Variants in RNF157 observed in about 807,000 individuals in gnomAD.
RNF157 encodes E3 ubiquitin ligase RNF157.
In RNF157, 55 loss-of-function variants were observed where a neutral mutation model predicts 88.3. The observed-to-expected ratio is 0.62, with a 90% CI of 0.50 to 0.78. The LOEUF (loss-of-function observed/expected upper bound fraction) is 0.78. Ranked by LOEUF, RNF157 falls within the 30% of genes least tolerant of loss-of-function variation. The pLI is 0.00. For missense variants in RNF157, 788 were observed against 860.8 expected, an observed-to-expected ratio of 0.92 and a Z score of 1.06; for synonymous variants, 334 against 341.2, an observed-to-expected ratio of 0.98 and a Z score of 0.23.
chr17:76,155,711 GGGC>G lies in RNF157; in HGVS notation c.1546_1548del (p.Ala516del), dbSNP rs1489905892. On this transcript the variant is annotated inframe_deletion, in exon 15 of 19. Coordinates refer to ENST00000269391, the MANE Select transcript of RNF157 (RefSeq NM_052916.3). ...GAGGATGCCATGGACATGACAGACT[GGGC>G]CAAGCTGCTGCTGGCAGGGCCTTTG... The G allele has an allele frequency of 1.3e-6, 2 of 1,590,286 alleles. No individual in the cohort carries two copies. The highest frequency in any genetic ancestry group is 3.7e-5 in the Admixed American group (2 of 54,674).
chr17:76,177,331 G>C (rs1044165790), intron 2 of RNF157, among the ~76,000 whole-genome samples: 1 of 146,568 alleles, frequency 6.8e-6, no homozygotes, highest in Admixed American at 6.7e-5. Flanking sequence ...AGCAGGCTCG[G>C]AAGTGCCTGC....
intron 1 of RNF157, chr17:76,226,736 C>T: frequency 6.2e-7 from 1 of 1,608,062 alleles, no homozygotes; most frequent in Middle Eastern, 2.3e-4. Flanking sequence ...AGCCCCCAAA[C>T]CCGACTGGTC....
At chr17:76,177,990 C>T (rs1356069224) in intron 2 of RNF157, among the ~76,000 whole-genome samples, 2 of 152,234 alleles carry the variant, frequency 1.3e-5, no homozygotes, top group East Asian at 1.9e-4. Context: ...CGGGTATCCT[C>T]TGAGCTGTTC....
intron 1 of RNF157, among the ~76,000 whole-genome samples, chr17:76,237,064 CTA>C (rs1262774351): frequency 1.3e-5 from 2 of 152,160 alleles, no homozygotes; most frequent in African/African-American, 4.8e-5. Context: ...AACCGTGTGA[CTA>C]TATTACCTAT....
intron 1 of RNF157, among the ~76,000 whole-genome samples, chr17:76,218,864 G>C (rs1316289981): frequency 6.6e-6 from 1 of 152,084 alleles, no homozygotes; most frequent in African/African-American, 2.4e-5. Flanking sequence ...AACCCGGGAA[G>C]TGGAGGTTGC....
rs143873675 is a variant in RNF157, at chr17:76,171,968, G to A, written c.296+1734C>T. Among the ~76,000 whole-genome samples the A allele has an allele frequency of 6.0e-4, 92 of 152,358 alleles. No homozygotes were observed. In the East Asian group the frequency reaches 0.014, roughly 23 times the overall value. Reference sequence around the variant, plus strand: ...TGCCATATGTGATGAGAGAAACCAAGTGGACAGAGTAGCTGGCAATGGCAG... The same window carrying A: ...TGCCATATGTGATGAGAGAAACCAAATGGACAGAGTAGCTGGCAATGGCAG... On this transcript the variant is annotated intron_variant, in intron 3 of 18. Transcript: ENST00000269391.
Position 76,204,919 on chromosome 17 carries a change from G to A in RNF157, c.207+7445C>T, listed in dbSNP as rs1002883963. Among the ~76,000 whole-genome samples the A allele has an allele frequency of 2.6e-5, 4 of 151,464 alleles. No individual in the cohort carries two copies. The South Asian group carries it at 6.2e-4, about 24-fold the overall frequency. ...CCTGCCTCAGCCTCCTGAGTAGCTGGGATTACAAGCACCTGCCACCACGCC... is the reference window on the plus strand; with the variant it reads ...CCTGCCTCAGCCTCCTGAGTAGCTGAGATTACAAGCACCTGCCACCACGCC... On this transcript the variant is annotated intron_variant, in intron 2 of 18. Coordinates refer to ENST00000269391, the MANE Select transcript of RNF157 (RefSeq NM_052916.3).
At chr17:76,178,898 T>C (rs2069146722) in intron 2 of RNF157, among the ~76,000 whole-genome samples, 1 of 152,180 alleles carries the variant, frequency 6.6e-6, no homozygotes, top group African/African-American at 2.4e-5. Flanking sequence ...ACCTTTATCT[T>C]TCCCCAAGAC....
chr17:76,230,913 T>C (rs2070180646), intron 1 of RNF157, among the ~76,000 whole-genome samples: 1 of 148,616 alleles, frequency 6.7e-6, no homozygotes, highest in Admixed American at 6.8e-5. Flanking sequence ...AGAGAGACTT[T>C]TCTTAGATTA....
chr17:76,240,291 CG>C lies in RNF157; in HGVS notation c.-52del. On this transcript the variant is annotated 5_prime_UTR_variant, in exon 1 of 19. Transcript: ENST00000269391. This position sits in a 1 kb window ranked among gnomAD's most constrained non-coding sequence, Gnocchi z 4.4. ...CGGCCCCGGTGCCCGCGCCGCCCTCCGCGCTTCACCGCGGCCGCCCGCCCCG... is the reference window on the plus strand; with the variant it reads ...CGGCCCCGGTGCCCGCGCCGCCCTCCCGCTTCACCGCGGCCGCCCGCCCCG... 1 of 913,938 alleles carries C rather than the reference CG, an allele frequency of 1.1e-6. No individual in the cohort carries two copies. The highest frequency in any genetic ancestry group is 4.9e-5 in the South Asian group (1 of 20,396). The allele number at this position is 913,938 out of a possible 1,614,324, so 56.6% of individuals were successfully genotyped here.
chr17:76,188,572 T>C (rs1190544190), intron 2 of RNF157, among the ~76,000 whole-genome samples: 2 of 152,196 alleles, frequency 1.3e-5, no homozygotes, highest in African/African-American at 2.4e-5. Flanking sequence ...CAAGCAAAGA[T>C]GGTGCAATAG....
chr17:76,165,028 ATTATTC>A (rs2068900954), intron 7 of RNF157, among the ~76,000 whole-genome samples: 1 of 152,196 alleles, frequency 6.6e-6, no homozygotes, highest in Non-Finnish European at 1.5e-5. Context: ...TTAGTTTACT[ATTATTC>A]TTAGTCTCTT....
chr17:76,182,760 C>CATGTATATATATATATATAT (rs2069211199), intron 2 of RNF157, among the ~76,000 whole-genome samples: 1 of 93,358 alleles, frequency 1.1e-5, no homozygotes, highest in African/African-American at 5.8e-5. Context: ...GGCCTCGTCT[C>CATGTATATATATATATATAT]ATATATATAT....
Position 76,143,135 on chromosome 17 carries a change from T to C in RNF157, c.*2100A>G, listed in dbSNP as rs2068538623. On this transcript the variant is annotated 3_prime_UTR_variant, in exon 19 of 19. Transcript: ENST00000269391. ...CAGGGGGAGGGAGGAAGAGGAGAAA[T>C]AGTAACTGAGAAACAAGTAAAGGAC... 6.6e-6 allele frequency: 1 copy of C among 152,036 alleles called. No individual in the cohort carries two copies. The highest frequency in any genetic ancestry group is 2.4e-5 in the African/African-American group (1 of 41,320). 9.4% of individuals were successfully genotyped at this position (152,036 alleles called of 1,614,324 possible).
chr17:76,164,675 G>T, intron 8 of RNF157, 73 bp downstream of exon 8: 1 of 843,282 alleles, frequency 1.2e-6, no homozygotes. Flanking sequence ...AAGAGGGAGA[G>T]AGAAGAAGAA....
intron 9 of RNF157, among the ~76,000 whole-genome samples, chr17:76,162,321 T>C (rs889407692): frequency 1.3e-5 from 2 of 152,098 alleles, no homozygotes; most frequent in South Asian, 4.1e-4. Flanking sequence ...GAAAGGGCCC[T>C]GGTGGAAACC....
intron 18 of RNF157, among the ~76,000 whole-genome samples, chr17:76,148,006 TG>T (rs1568018807): frequency 6.6e-6 from 1 of 152,220 alleles, no homozygotes; most frequent in East Asian, 1.9e-4. Context: ...ATATAAGGAC[TG>T]TAATAGTTCA....
At chr17:76,236,892 C>T (rs902082029) in intron 1 of RNF157, among the ~76,000 whole-genome samples, 3 of 151,970 alleles carry the variant, frequency 2.0e-5, no homozygotes, top group Non-Finnish European at 4.4e-5. Flanking sequence ...TAATAGCATG[C>T]TATGCTTGCA....
chr17:76,227,294 T>C (rs529577188), intron 1 of RNF157, among the ~76,000 whole-genome samples: 1 of 151,770 alleles, frequency 6.6e-6, no homozygotes, highest in East Asian at 2.0e-4. Context: ...CTAATTTTTG[T>C]ATTTTTAGTA....
Sources: gnomAD v4.1 joint callset for allele counts (sites outside exome capture counted in the v4.1 genomes callset) on GRCh38, gnomAD v4.1.1 for gene constraint, Gnocchi (gnomAD v3.1) non-coding constraint, MANE v1.5 for transcripts, NCBI Gene and HGNC (gene_info 2026-07-23, HGNC 2026-07-21) for gene names.